Variants in ALG14 observed in about 807,000 individuals in gnomAD.
The protein encoded by ALG14 is UDP-N-acetylglucosamine transferase subunit ALG14.
In ALG14, 17 loss-of-function variants were observed where a neutral mutation model predicts 22.8. The observed-to-expected ratio is 0.75, with a 90% CI of 0.51 to 1.12. The LOEUF is 1.12. Ranked by LOEUF, ALG14 falls within the 50% of genes most tolerant of loss-of-function variation. The pLI is 0.00. For missense variants in ALG14, 288 were observed against 271.8 expected (o/e 1.06, Z -0.42); for synonymous variants, 89 against 103.7 (o/e 0.86, Z 0.86).
intron 2 of ALG14, among the ~76,000 whole-genome samples, chr1:95,049,910 A>C (rs1170544953): frequency 6.6e-6 from 1 of 152,188 alleles, no homozygotes; most frequent in East Asian, 1.9e-4. Flanking sequence ...TTTTTTCTAC[A>C]AACTAGCAAA....
chr1:95,027,380 C>A (rs1673854522), intron 2 of ALG14, 120 bp from the exon 3 acceptor site: 1 of 1,229,042 alleles, frequency 8.1e-7, no homozygotes, highest in African/African-American at 1.5e-5. Flanking sequence ...TCATTCTAAC[C>A]ACTTTTAAAT....
At chr1:95,036,950 T>A (rs1334368535) in intron 2 of ALG14, among the ~76,000 whole-genome samples, 2 of 152,118 alleles carry the variant, frequency 1.3e-5, no homozygotes, top group African/African-American at 2.4e-5. Flanking sequence ...GACTGGCTTG[T>A]CAAAGAGAAA....
At chr1:95,055,828 TAAAAAAAAAAAAAAAAA>T (rs35131311) in intron 2 of ALG14, among the ~76,000 whole-genome samples, 1 of 33,018 alleles carries the variant, frequency 3.0e-5, no homozygotes. Context: ...CCGTCTCTAC[TAAAAAAAAAAAAAAAAA>T]AAAAAAAAAA....
At chr1:95,037,482 C>T (rs377407219) in intron 2 of ALG14, among the ~76,000 whole-genome samples, 1 of 152,100 alleles carries the variant, frequency 6.6e-6, no homozygotes, top group Non-Finnish European at 1.5e-5. Context: ...GTTTTTGTTA[C>T]CCTAATGAGA....
At chr1:95,052,856 C>T (rs1420513784) in intron 2 of ALG14, among the ~76,000 whole-genome samples, 1 of 77,432 alleles carries the variant, frequency 1.3e-5, no homozygotes, top group Non-Finnish European at 2.7e-5. Flanking sequence ...GACTGCATCT[C>T]GAAAAAAAAA....
chr1:95,033,402 C>CATACAT lies in ALG14; in HGVS notation c.289-6143_289-6142insATGTAT, dbSNP rs1553229111. Among the ~76,000 whole-genome samples the CATACAT allele has an allele frequency of 3.0e-3, 415 of 138,726 alleles. 3 individuals are homozygous for CATACAT. Among genetic ancestry groups the CATACAT allele is most frequent in the African/African-American group, 0.01 (385 of 37,684 alleles). 91.0% of individuals were successfully genotyped at this position (138,726 alleles called of 152,430 possible). On this transcript the variant is annotated intron_variant, in intron 2 of 3. Transcript: ENST00000370205. ...AAATACATACATACATACATACATA[C>CATACAT]ATATATATATATATATATACACACA...
In ALG14 at chr1:95,055,828, T is replaced by TAA. The variant is rs35131311; in HGVS notation, c.288+9036_288+9037dup. Among the ~76,000 whole-genome samples, 110 of 33,048 alleles carry TAA rather than the reference T, an allele frequency of 3.3e-3. 4 individuals are homozygous for TAA. Among genetic ancestry groups the TAA allele is most frequent in the East Asian group, 0.017 (13 of 754 alleles). The allele number at this position is 33,048 out of a possible 152,430, so 21.7% of individuals were successfully genotyped here. Reference sequence around the variant, plus strand: ...TAACATGGTGAAATCCCGTCTCTACTAAAAAAAAAAAAAAAAAAAAAAAAA... The same window carrying TAA: ...TAACATGGTGAAATCCCGTCTCTACTAAAAAAAAAAAAAAAAAAAAAAAAAAA... On this transcript the variant is annotated intron_variant, in intron 2 of 3. Transcript: ENST00000370205.
chr1:95,044,323 G>A (rs1674476834), intron 2 of ALG14, among the ~76,000 whole-genome samples: 1 of 152,102 alleles, frequency 6.6e-6, no homozygotes, highest in South Asian at 2.1e-4. Flanking sequence ...GTATGATTGT[G>A]TCACTCCTCC....
In ALG14 at chr1:94,979,820, T is replaced by C. The variant is rs1447682542; in HGVS notation, c.*3256A>G. The C allele has an allele frequency of 6.6e-6, 1 of 152,172 alleles. No individual in the cohort carries two copies. Among genetic ancestry groups the C allele is most frequent in the Non-Finnish European group, 1.5e-5 (1 of 68,040 alleles). 9.4% of individuals were successfully genotyped at this position (152,172 alleles called of 1,614,324 possible). ...AGCAGGAACACAGTTGTAGATGATT[T>C]GTTTTTAGAGTGCTAGAGGGATGGG... On this transcript the variant is annotated 3_prime_UTR_variant, in exon 4 of 4. Coordinates refer to ENST00000370205, the MANE Select transcript of ALG14 (RefSeq NM_144988.4).
chr1:95,066,254 AC>A (rs1458643315), intron 1 of ALG14, among the ~76,000 whole-genome samples: 4 of 151,286 alleles, frequency 2.6e-5, no homozygotes, highest in African/African-American at 9.7e-5. Context: ...GTGGAGTTTC[AC>A]GCTTGTTGCC....
At chr1:95,072,277 C>T (rs1675590357) in intron 1 of ALG14, among the ~76,000 whole-genome samples, 1 of 152,140 alleles carries the variant, frequency 6.6e-6, no homozygotes. Flanking sequence ...GTGTGTTGCT[C>T]ACACTCTGCC....
intron 3 of ALG14, among the ~76,000 whole-genome samples, chr1:95,002,875 C>A (rs920987030): frequency 6.6e-6 from 1 of 152,194 alleles, no homozygotes; most frequent in East Asian, 1.9e-4. Flanking sequence ...TTGCCTTCCA[C>A]GAAGTGTTTT....
intron 3 of ALG14, among the ~76,000 whole-genome samples, chr1:95,004,561 G>A (rs1001285813): frequency 9.3e-5 from 14 of 151,132 alleles, no homozygotes; most frequent in Admixed American, 3.9e-4. Flanking sequence ...GTGCAGTGGT[G>A]CAATCTCGGC....
At chr1:95,068,569 C>T (rs140264392) in intron 1 of ALG14, among the ~76,000 whole-genome samples, 94 of 152,282 alleles carry the variant, frequency 6.2e-4, no homozygotes, top group African/African-American at 2.2e-3. Flanking sequence ...GGATTACAAG[C>T]GTGAGCCACA....
chr1:95,014,433 T>G (rs1673448128), intron 3 of ALG14, among the ~76,000 whole-genome samples: 1 of 152,182 alleles, frequency 6.6e-6, no homozygotes, highest in Non-Finnish European at 1.5e-5. Flanking sequence ...TGCTTCAGTC[T>G]GGAACCCTGA....
At chr1:95,008,320 G>A (rs1237974196) in intron 3 of ALG14, among the ~76,000 whole-genome samples, 2 of 152,114 alleles carry the variant, frequency 1.3e-5, no homozygotes, top group Non-Finnish European at 1.5e-5. Flanking sequence ...TTATTCAGAG[G>A]CTAAATTTTA....
chr1:95,048,766 C>T (rs1342927374), intron 2 of ALG14, among the ~76,000 whole-genome samples: 4 of 151,414 alleles, frequency 2.6e-5, no homozygotes, highest in Non-Finnish European at 4.4e-5. Context: ...ATTTTTTTTT[C>T]ATATAAGTAA....
At chr1:95,027,458 T>G (rs1364557857) in intron 2 of ALG14, among the ~76,000 whole-genome samples, 198 bp from the exon 3 acceptor site, 1 of 152,202 alleles carries the variant, frequency 6.6e-6, no homozygotes, top group Non-Finnish European at 1.5e-5. Context: ...ACAAAAAAGT[T>G]CCTATGATTC....
intron 2 of ALG14, among the ~76,000 whole-genome samples, chr1:95,036,554 G>C (rs1156677058): frequency 1.4e-5 from 2 of 148,112 alleles, no homozygotes; most frequent in African/African-American, 5.0e-5. Context: ...AGCCTCTCAA[G>C]TAGTTGGGAT....
Sources: allele counts gnomAD v4.1 joint callset (sites outside exome capture counted in the v4.1 genomes callset), GRCh38; gene constraint gnomAD v4.1.1; transcripts MANE v1.5; gene names NCBI Gene and HGNC (gene_info 2026-07-23, HGNC 2026-07-21).